ERBB3: variants seen among roughly 807,000 people sequenced by gnomAD.
ERBB3 encodes the protein receptor tyrosine-protein kinase erbB-3.
ERBB3 carries 96 observed loss-of-function variants against 156.7 expected under a neutral mutation model. The ratio of observed to expected loss-of-function variants is 0.61; its 90% CI spans 0.52 to 0.73. ERBB3 has a LOEUF of 0.73. ERBB3 is among the 30% of genes least tolerant of loss of function. The pLI, the probability that ERBB3 is intolerant of heterozygous loss-of-function variation, is 0.00. For synonymous variants in ERBB3, 567 were observed against 632.0 expected (o/e 0.90, Z 1.54); for missense variants, 1,406 against 1,709.4 (o/e 0.82, Z 3.13).
chr12:56,096,292 C>A, intron 17 of ERBB3: 1 of 626,206 alleles, frequency 1.6e-6, no homozygotes, highest in Non-Finnish European at 2.8e-6. Context: ...AAAACCCAAC[C>A]CCTTTGATTC....
chr12:56,097,996 A>G, intron 21 of ERBB3, 56 bp downstream of exon 21: 1 of 1,578,330 alleles, frequency 6.3e-7, no homozygotes, highest in South Asian at 1.1e-5. Context: ...GGGGATAGGG[A>G]GCAGCCAGTG....
intron 3 of ERBB3, chr12:56,085,726 T>C (rs1239622176): frequency 6.9e-6 from 1 of 144,682 alleles, no homozygotes; most frequent in African/African-American, 2.9e-5. Flanking sequence ...ATTGCACCAC[T>C]GCACTCTAGC....
chr12:56,091,463 C>T (rs1434692400), intron 9 of ERBB3, among the ~76,000 whole-genome samples: 3 of 139,658 alleles, frequency 2.1e-5, no homozygotes, highest in African/African-American at 8.2e-5. Flanking sequence ...GGCTGGAGTG[C>T]AGTGGCGTGA....
intron 9 of ERBB3, 153 bp downstream of exon 9, chr12:56,089,021 TC>T (rs941728892): frequency 2.0e-6 from 2 of 1,010,746 alleles, no homozygotes; most frequent in African/African-American, 3.2e-5. Flanking sequence ...GCTTAACACA[TC>T]CTCCATCCAG....
At chr12:56,089,560 T>C (rs186838784) in intron 9 of ERBB3, among the ~76,000 whole-genome samples, 2 of 152,174 alleles carry the variant, frequency 1.3e-5, no homozygotes, top group East Asian at 1.9e-4. Context: ...CTGGCTAACA[T>C]GGTGAAATGC....
chr12:56,088,775 G>A lies in ERBB3; in HGVS notation c.1016G>A (p.Arg339His), dbSNP rs751837696. ...TGTGAGGGAACAGGCTCTGGGAGCC[G>A]CTTCCAGACTGTGGACTCGAGCAAC... The part of the protein sequence containing the change: ...KACEGTGSGS[R>H]FQTVDSSNID... Residue 339 changes from arginine to histidine, a missense_variant, in exon 9 of 28, where the codon CGC becomes CAC. Around this residue, in one of 3 missense-constraint regions of ERBB3, gnomAD observed 979 missense variants for 1,219.6 expected, o/e 0.80. Transcript: ENST00000267101. 24 of 1,613,948 alleles carry A rather than the reference G, an allele frequency of 1.5e-5. No individual in the cohort carries two copies. Among genetic ancestry groups the A allele is most frequent in the African/African-American group, 2.7e-5 (2 of 74,876 alleles).
At position 56,101,652 on chromosome 12, in the gene ERBB3, C is replaced by T. The variant is rs1332849011; in HGVS notation, c.3626C>T (p.Pro1209Leu). The T allele has an allele frequency of 1.9e-6, 3 of 1,613,824 alleles. No homozygotes were observed. In the East Asian group the frequency reaches 6.7e-5, roughly 36 times the overall value. The change falls in exon 28 of 28, where the codon CCT becomes CTT. Residue 1209 changes from proline to leucine, a missense_variant. Physicochemically the swap from Pro to Leu is moderately conservative, Grantham distance 98 (BLOSUM62 -3). Coordinates refer to ENST00000267101, the MANE Select transcript of ERBB3 (RefSeq NM_001982.4). ...YMNRRRRHSPPHPPRPSSLEE... is the reference protein window; with the variant it reads ...YMNRRRRHSPLHPPRPSSLEE... ...AACCGGAGGAGAAGGCACAGTCCAC[C>T]TCATCCCCCTAGGCCAAGTTCCCTT...
chr12:56,080,432 C>T lies in ERBB3; in HGVS notation c.82+50C>T, dbSNP rs879171773. The T allele has an allele frequency of 7.7e-6, 11 of 1,419,640 alleles. No individual in the cohort carries two copies. The South Asian group carries it at 1.3e-4, about 17-fold the overall frequency. 87.9% of individuals were successfully genotyped at this position (1,419,640 alleles called of 1,614,324 possible). A position where few individuals can be genotyped will look rare whatever the true frequency, so the allele number is the denominator to read the frequency against. ...GGCTCGGCACCTGGGAGCCGGAACC[C>T]AGTGCGCGCAGCCTCGGAGGGTATG... On this transcript the variant is annotated intron_variant, in intron 1 of 27. Transcript: ENST00000267101.
intron 9 of ERBB3, among the ~76,000 whole-genome samples, chr12:56,091,701 T>G (rs1019847929): frequency 6.6e-6 from 1 of 152,060 alleles, no homozygotes; most frequent in African/African-American, 2.4e-5. Flanking sequence ...GTACGTGATG[T>G]TGATTTGTCC....
chr12:56,087,640 C>T lies in ERBB3; in HGVS notation c.611C>T (p.Thr204Ile), dbSNP rs56107455. 3.2e-4 allele frequency: 516 copies of T among 1,614,016 alleles called. 1 individual carries two copies. In the African/African-American group the frequency reaches 6.3e-3, roughly 20 times the overall value. The change falls in exon 5 of 28, where the codon ACA (threonine) becomes ATA (isoleucine). Residue 204 changes from threonine to isoleucine, a missense_variant and splice_region_variant. Transcript: ENST00000267101. ...CWGPGSEDCQ[T>I]LTKTICAPQC... Reference sequence around the variant, plus strand: ...GGTCCTGGATCAGAAGACTGCCAGACATGTGGGTTTGAAATTCCCTCCAAA... The same window carrying T: ...GGTCCTGGATCAGAAGACTGCCAGATATGTGGGTTTGAAATTCCCTCCAAA...
In ERBB3 at chr12:56,101,768, A is replaced by C. The variant is rs962891041; in HGVS notation, c.3742A>C (p.Ile1248Leu). 6.2e-7 allele frequency: 1 copy of C among 1,613,662 alleles called. No homozygotes were observed. The highest frequency in any genetic ancestry group is 1.3e-5 in the African/African-American group (1 of 74,834). Residue 1248 changes from isoleucine to leucine, a missense_variant, in exon 28 of 28, where the codon ATC (isoleucine) becomes CTC (leucine). By Grantham distance (5) the Ile-to-Leu change is conservative. This residue lies in a region of ERBB3 where 415 missense variants were observed against 454.1 expected (regional missense o/e 0.91). Transcript: ENST00000267101. Reference sequence around the variant, plus strand: ...GAGTTGCCCACTCCACCCTGTACCCATCATGCCCACTGCAGGCACAACTCC... The same window carrying C: ...GAGTTGCCCACTCCACCCTGTACCCCTCATGCCCACTGCAGGCACAACTCC... ...TQSCPLHPVP[I>L]MPTAGTTPDE...
chr12:56,098,974 GAC>G (rs1307620150), intron 23 of ERBB3, 69 bp downstream of exon 23: 1 of 1,253,948 alleles, frequency 8.0e-7, no homozygotes, highest in Non-Finnish European at 1.1e-6. Context: ...TTTTTTTTGA[GAC>G]AGAGTCTCAC....
At position 56,088,142 on chromosome 12, in the gene ERBB3, T is replaced by A. The variant is rs2136795603; in HGVS notation, c.854T>A (p.Val285Asp). 1 of 1,613,908 alleles carries A rather than the reference T, an allele frequency of 6.2e-7. No homozygotes were observed. The highest frequency in any genetic ancestry group is 8.5e-7 in the Non-Finnish European group (1 of 1,179,962). Residue 285 changes from valine to aspartate, a missense_variant, in exon 7 of 28, where the codon GTT becomes GAT. By Grantham distance (152) the Val-to-Asp change is radical. Coordinates refer to ENST00000267101, the MANE Select transcript of ERBB3 (RefSeq NM_001982.4). ...CACACCAAGTATCAGTATGGAGGAG[T>A]TTGTGTAGCCAGCTGTCCCCGTAAG... ...NPHTKYQYGGVCVASCPHNFV... is the reference protein window; with the variant it reads ...NPHTKYQYGGDCVASCPHNFV...
Position 56,080,767 on chromosome 12 carries a change from C to A in ERBB3, c.82+385C>A, listed in dbSNP as rs572129872. Among the ~76,000 whole-genome samples the A allele has an allele frequency of 3.9e-5, 6 of 152,284 alleles. No homozygotes were observed. In the South Asian group the frequency reaches 8.3e-4, roughly 21 times the overall value. On this transcript the variant is annotated intron_variant, in intron 1 of 27. Transcript: ENST00000267101. ...GGAAGGGTCTCGGTTTGCTCGCCAA[C>A]CCCCTGCCCCCCACCCGCGCCGATT...
chr12:56,088,217 G>C, intron 7 of ERBB3, 55 bp downstream of exon 7: 2 of 1,592,344 alleles, frequency 1.3e-6, no homozygotes, highest in East Asian at 4.5e-5. Flanking sequence ...CAAGATTTTA[G>C]ACAAAATTGT....
In ERBB3 at chr12:56,088,793, C is replaced by G. The variant is rs762035321; in HGVS notation, c.1034C>G (p.Ser345Trp). 1 of 1,614,114 alleles carries G rather than the reference C, an allele frequency of 6.2e-7. No homozygotes were observed. The highest frequency in any genetic ancestry group is 1.3e-5 in the African/African-American group (1 of 75,022). ...GSGSRFQTVD[S>W]SNIDGFVNCT... is the part of the protein sequence containing the mutation. The stretch of plus-strand genomic sequence containing the variant: ...GGGAGCCGCTTCCAGACTGTGGACT[C>G]GAGCAACATTGATGGATTTGTGAAC... The change falls in exon 9 of 28, where the codon TCG becomes TGG. Residue 345 changes from serine (S) to tryptophan (W), a missense_variant. Ser to Trp is a radical substitution (Grantham distance 177). This residue lies in a region of ERBB3 where 979 missense variants were observed against 1,219.6 expected (regional missense o/e 0.80). Transcript: ENST00000267101.
intron 14 of ERBB3, 62 bp downstream of exon 14, chr12:56,094,251 G>C (rs1034646444): frequency 2.0e-6 from 3 of 1,475,710 alleles, no homozygotes; most frequent in Non-Finnish European, 1.9e-6. Context: ...TGGAGCATCT[G>C]GGGAATGATA....
chr12:56,093,605 T>C lies in ERBB3; in HGVS notation c.1480+55T>C, dbSNP rs1868791450. On this transcript the variant is annotated intron_variant, in intron 12 of 27. Transcript: ENST00000267101. ...AATAGGGAGTCAGGGAGGAGAGGGC[T>C]GAAAGGACTATTCTGCCCTAGACGT... 29 of 1,564,040 alleles carry C rather than the reference T, an allele frequency of 1.9e-5. No homozygotes were observed. In the South Asian group the frequency reaches 3.2e-4, roughly 17 times the overall value.
At chr12:56,101,416 G>T (rs1869099436) in intron 27 of ERBB3, 55 bp downstream of exon 27, 2 of 1,604,156 alleles carry the variant, frequency 1.2e-6, no homozygotes, top group Non-Finnish European at 1.7e-6. Flanking sequence ...CTTTCCCCGG[G>T]CTCCTCTTTT....
Sources: allele counts gnomAD v4.1 joint callset (sites outside exome capture counted in the v4.1 genomes callset), GRCh38; gene constraint gnomAD v4.1.1; regional missense constraint gnomAD v4.1.1; transcripts MANE v1.5; gene names NCBI Gene and HGNC (gene_info 2026-07-23, HGNC 2026-07-21).